Variants in SLX4IP observed in about 807,000 individuals in gnomAD.
The protein encoded by SLX4IP is protein SLX4IP.
SLX4IP carries 34 observed loss-of-function variants against 32.9 expected under a neutral mutation model. The observed-to-expected ratio is 1.03, with a 90% CI of 0.79 to 1.38. The LOEUF (loss-of-function observed/expected upper bound fraction) is 1.38, where lower values mean the gene tolerates loss of function less well. Among genes scored for constraint, SLX4IP ranks in the 40% most tolerant of loss-of-function variants. The probability of loss-of-function intolerance (pLI) is 0.00; values close to 1 mark genes in which losing one functional copy is unlikely to be tolerated. For missense variants in SLX4IP, 444 were observed against 479.0 expected, an observed-to-expected ratio of 0.93 and a Z score of 0.68; for synonymous variants, 172 against 171.7, an observed-to-expected ratio of 1.00 and a Z score of -0.01.
chr20:10,480,061 G>A (rs1015834478), intron 2 of SLX4IP, among the ~76,000 whole-genome samples: 1 of 151,526 alleles, frequency 6.6e-6, no homozygotes, highest in African/African-American at 2.4e-5. Flanking sequence ...TATAAAAAAT[G>A]ACCTATTTAT....
At chr20:10,523,581 A>C (rs2065916920) in intron 2 of SLX4IP, among the ~76,000 whole-genome samples, 1 of 152,216 alleles carries the variant, frequency 6.6e-6, no homozygotes, top group Non-Finnish European at 1.5e-5. Flanking sequence ...CTAAAATGAG[A>C]CTGTAAGCAC....
At chr20:10,567,323 G>C (rs1196819748) in intron 4 of SLX4IP, among the ~76,000 whole-genome samples, 1 of 152,212 alleles carries the variant, frequency 6.6e-6, no homozygotes, top group East Asian at 1.9e-4. Flanking sequence ...AGAAGGTGGG[G>C]AAAGTATTTG....
intron 6 of SLX4IP, chr20:10,613,621 C>T: frequency 6.2e-7 from 1 of 1,613,856 alleles, no homozygotes. Context: ...CTCATTTCTG[C>T]TTCTTTGGCC....
intron 2 of SLX4IP, among the ~76,000 whole-genome samples, chr20:10,527,220 A>G (rs768842279): frequency 2.6e-5 from 4 of 152,242 alleles, no homozygotes; most frequent in Non-Finnish European, 4.4e-5. Context: ...CAAAGAGCTC[A>G]CAGTTCTGCC....
At chr20:10,510,781 T>G (rs1391818435) in intron 2 of SLX4IP, among the ~76,000 whole-genome samples, 1 of 152,034 alleles carries the variant, frequency 6.6e-6, no homozygotes, top group East Asian at 1.9e-4. Context: ...ACTTTTTGTA[T>G]TTTTAGTAGA....
chr20:10,595,295 A>G (rs978350795), intron 4 of SLX4IP, among the ~76,000 whole-genome samples: 2 of 152,182 alleles, frequency 1.3e-5, no homozygotes, highest in Non-Finnish European at 2.9e-5. Context: ...CAGATTTAGG[A>G]GCACCACAGT....
At chr20:10,439,606 C>G (rs13037906) in intron 1 of SLX4IP, among the ~76,000 whole-genome samples, 2 of 152,072 alleles carry the variant, frequency 1.3e-5, no homozygotes, top group African/African-American at 4.8e-5. Context: ...TGTATTAAAA[C>G]TTCACCTTTG....
intron 2 of SLX4IP, among the ~76,000 whole-genome samples, chr20:10,528,155 TA>T (rs2065955063): frequency 6.6e-6 from 1 of 152,194 alleles, no homozygotes; most frequent in South Asian, 2.1e-4. Flanking sequence ...TGCAGTTAAT[TA>T]AAAAATGGTT....
intron 4 of SLX4IP, among the ~76,000 whole-genome samples, chr20:10,585,541 C>T (rs994233076): frequency 1.3e-5 from 2 of 151,626 alleles, no homozygotes; most frequent in African/African-American, 4.8e-5. Context: ...TTCCTTTCCC[C>T]TTTCCCCTTT....
intron 6 of SLX4IP, among the ~76,000 whole-genome samples, chr20:10,611,818 T>A (rs1361778830): frequency 2.0e-5 from 3 of 152,240 alleles, no homozygotes; most frequent in Non-Finnish European, 4.4e-5. Flanking sequence ...AATATGTCAG[T>A]TGTCCAAATA....
At chr20:10,512,776 CTCTATATA>C (rs1455471245) in intron 2 of SLX4IP, among the ~76,000 whole-genome samples, 65 of 114,732 alleles carry the variant, frequency 5.7e-4, no homozygotes, top group African/African-American at 2.4e-3. Flanking sequence ...CACACACACA[CTCTATATA>C]TATATATATA....
chr20:10,553,004 A>G (rs1448486788), intron 2 of SLX4IP, among the ~76,000 whole-genome samples: 1 of 152,152 alleles, frequency 6.6e-6, no homozygotes, highest in Non-Finnish European at 1.5e-5. Flanking sequence ...ACCGCTTTGG[A>G]AGGGCTTTTA....
chr20:10,572,048 C>G (rs890216583), intron 4 of SLX4IP, among the ~76,000 whole-genome samples: 1 of 152,140 alleles, frequency 6.6e-6, no homozygotes, highest in Admixed American at 6.5e-5. Flanking sequence ...GCGTCCACCC[C>G]TCGGATGCTG....
intron 1 of SLX4IP, among the ~76,000 whole-genome samples, chr20:10,457,241 A>G (rs2065292270): frequency 1.3e-5 from 2 of 152,092 alleles, no homozygotes; most frequent in Admixed American, 1.3e-4. Context: ...AACCTTTAGT[A>G]CAATGATGAA....
At chr20:10,474,605 G>A (rs755477376) in intron 2 of SLX4IP, among the ~76,000 whole-genome samples, 30 of 152,122 alleles carry the variant, frequency 2.0e-4, no homozygotes, top group Admixed American at 1.8e-3. Context: ...TAAGGATCAT[G>A]GTTAACCCCA....
At chr20:10,562,065 G>A (rs528424301) in intron 4 of SLX4IP, among the ~76,000 whole-genome samples, 1 of 152,278 alleles carries the variant, frequency 6.6e-6, no homozygotes, top group African/African-American at 2.4e-5. Context: ...CAGCGTCTAG[G>A]GTTGAGTGTT....
chr20:10,479,837 C>T (rs190852081), intron 2 of SLX4IP, among the ~76,000 whole-genome samples: 9 of 151,120 alleles, frequency 6.0e-5, no homozygotes, highest in Non-Finnish European at 7.4e-5. Flanking sequence ...AACCCCGCCT[C>T]TACTAAAAAC....
intron 3 of SLX4IP, among the ~76,000 whole-genome samples, chr20:10,558,711 G>A (rs1445738259): frequency 6.6e-6 from 1 of 152,226 alleles, no homozygotes; most frequent in Non-Finnish European, 1.5e-5. Flanking sequence ...AGCGAGCACA[G>A]CCCGTTAGCC....
In SLX4IP at chr20:10,626,215, T is replaced by A; in HGVS notation, c.*2836T>A. 7.0e-6 allele frequency: 1 copy of A among 142,508 alleles called. No homozygotes were observed. The highest frequency in any genetic ancestry group is 2.6e-5 in the African/African-American group (1 of 38,034). The allele number at this position is 142,508 out of a possible 1,614,324, so 8.8% of individuals were successfully genotyped here. ...ATTTTTTTTTTTTTTTTTTTTTTTT[T>A]AGCAGAAACGGGTTTTCACCGTGTT... On this transcript the variant is annotated 3_prime_UTR_variant, in exon 8 of 8. Transcript: ENST00000334534.
Sources: gnomAD v4.1 joint callset for allele counts (sites outside exome capture counted in the v4.1 genomes callset) on GRCh38, gnomAD v4.1.1 for gene constraint, MANE v1.5 for transcripts, NCBI Gene and HGNC (gene_info 2026-07-23, HGNC 2026-07-21) for gene names.